Variants in ANKRD30B observed in about 807,000 individuals in gnomAD.
ANKRD30B encodes the protein ankyrin repeat domain-containing protein 30B.
A neutral mutation model predicts 202.2 loss-of-function variants in ANKRD30B; 144 were observed. The observed-to-expected ratio is 0.71, with a 90% CI of 0.62 to 0.82. The LOEUF (loss-of-function observed/expected upper bound fraction) is 0.82, where lower values mean the gene tolerates loss of function less well. Ranked by LOEUF, ANKRD30B falls within the 40% of genes least tolerant of loss-of-function variation. The probability of loss-of-function intolerance (pLI) is 0.00; values close to 1 mark genes in which losing one functional copy is unlikely to be tolerated. For synonymous variants in ANKRD30B, 508 were observed against 561.3 expected, an observed-to-expected ratio of 0.91 and a Z score of 1.34; for missense variants, 1,487 against 1,669.1, an observed-to-expected ratio of 0.89 and a Z score of 1.90.
At chr18:14,800,459 G>A (rs1286251084) in intron 22 of ANKRD30B, among the ~76,000 whole-genome samples, 1 of 150,726 alleles carries the variant, frequency 6.6e-6, no homozygotes, top group African/African-American at 2.5e-5. Context: ...CAAGTAGCTG[G>A]GAATCCAGAC....
chr18:14,879,725 G>A, the ANKRD30B span, among the ~76,000 whole-genome samples: 1 of 149,988 alleles, frequency 6.7e-6, no homozygotes, highest in African/African-American at 2.5e-5. Context: ...AGGGGTTAGG[G>A]TTAAGGGTCC....
At chr18:14,757,666 CTT>C in intron 4 of ANKRD30B, 147 bp from the exon 5 acceptor site, 1 of 868,854 alleles carries the variant, frequency 1.2e-6, no homozygotes, top group South Asian at 2.4e-5. Context: ...TTGCCCCTTC[CTT>C]TTAGATTTGG....
the ANKRD30B span, among the ~76,000 whole-genome samples, chr18:14,872,893 C>T: frequency 6.6e-6 from 1 of 152,122 alleles, no homozygotes; most frequent in South Asian, 2.1e-4. Flanking sequence ...TCATGGATAT[C>T]AGGCACCACG....
Position 14,779,957 on chromosome 18 carries a change from T to C in ANKRD30B, c.1421-3T>C. The C allele has an allele frequency of 6.6e-7, 1 of 1,507,448 alleles. No individual in the cohort carries two copies. The highest frequency in any genetic ancestry group is 2.4e-5 in the East Asian group (1 of 42,464). 93.4% of individuals were successfully genotyped at this position (1,507,448 alleles called of 1,614,324 possible). A position where few individuals can be genotyped will look rare whatever the true frequency, so the allele number is the denominator to read the frequency against. ...TGAATGTATCTGTGATTAACATTTTTAGATCAGATGTTCCCATCAGAATCC... is the reference window on the plus strand; with the variant it reads ...TGAATGTATCTGTGATTAACATTTTCAGATCAGATGTTCCCATCAGAATCC... On this transcript the variant is annotated splice_polypyrimidine_tract_variant and splice_region_variant and intron_variant, in intron 10 of 43. Coordinates refer to ENST00000690538, the MANE Select transcript of ANKRD30B (RefSeq NM_001367607.2).
At chr18:14,859,940 G>A in the ANKRD30B span, among the ~76,000 whole-genome samples, 1 of 110,212 alleles carries the variant, frequency 9.1e-6, no homozygotes, top group Non-Finnish European at 1.9e-5. Context: ...GCAGCTGGAG[G>A]GAGGCACTCC....
chr18:14,896,166 CTG>C, the ANKRD30B span, among the ~76,000 whole-genome samples: 3 of 151,040 alleles, frequency 2.0e-5, no homozygotes, highest in African/African-American at 7.3e-5. Context: ...CACTCTCACT[CTG>C]TCGCCCAGGC....
the ANKRD30B span, among the ~76,000 whole-genome samples, chr18:14,868,429 C>A: frequency 6.6e-6 from 1 of 152,210 alleles, no homozygotes; most frequent in Admixed American, 6.5e-5. Context: ...ATTTGTGTAT[C>A]TTTTTGTTTT....
chr18:14,873,681 G>A, the ANKRD30B span, among the ~76,000 whole-genome samples: 1 of 152,038 alleles, frequency 6.6e-6, no homozygotes, highest in Admixed American at 6.6e-5. Context: ...GGAGGTCATG[G>A]GGATTGAATG....
the ANKRD30B span, among the ~76,000 whole-genome samples, chr18:14,904,594 C>G: frequency 6.6e-6 from 1 of 152,124 alleles, no homozygotes; most frequent in Non-Finnish European, 1.5e-5. Context: ...TCCCTCATGT[C>G]TATATATCCA....
At chr18:14,873,718 T>C in the ANKRD30B span, among the ~76,000 whole-genome samples, 1 of 152,070 alleles carries the variant, frequency 6.6e-6, no homozygotes, top group Admixed American at 6.6e-5. Context: ...AAAATGCTGA[T>C]GGAGTTCTCA....
intron 11 of ANKRD30B, 90 bp downstream of exon 11, chr18:14,780,111 C>T (rs1275045941): frequency 5.3e-6 from 5 of 942,984 alleles, no homozygotes; most frequent in East Asian, 5.5e-5. Flanking sequence ...ACTTGGTTCT[C>T]TTACCACTGC....
At chr18:14,832,253 T>C (rs1312070259) in intron 34 of ANKRD30B, among the ~76,000 whole-genome samples, 1 of 152,174 alleles carries the variant, frequency 6.6e-6, no homozygotes, top group Non-Finnish European at 1.5e-5. Flanking sequence ...TCAGAATCTG[T>C]ATTATTAAGG....
the ANKRD30B span, among the ~76,000 whole-genome samples, chr18:14,908,364 G>A: frequency 6.6e-5 from 10 of 152,238 alleles, no homozygotes; most frequent in East Asian, 1.9e-4. Flanking sequence ...ACAGCTGTGC[G>A]GGACTCTTTC....
intron 30 of ANKRD30B, among the ~76,000 whole-genome samples, chr18:14,822,188 G>C (rs1970456290): frequency 6.6e-6 from 1 of 152,124 alleles, no homozygotes; most frequent in Non-Finnish European, 1.5e-5. Context: ...TTATATGGCA[G>C]CTTACTCTTA....
chr18:14,910,421 T>A, the ANKRD30B span, among the ~76,000 whole-genome samples: 2 of 151,622 alleles, frequency 1.3e-5, no homozygotes, highest in Admixed American at 1.3e-4. Context: ...ATTTTTCATT[T>A]TTTTATGGCT....
chr18:14,805,559 A>C (rs1568030789), intron 24 of ANKRD30B, among the ~76,000 whole-genome samples: 1 of 150,426 alleles, frequency 6.6e-6, no homozygotes, highest in South Asian at 2.1e-4. Context: ...CAAGCTGATC[A>C]ATTCATAACA....
At chr18:14,823,725 G>T (rs1225837526) in intron 32 of ANKRD30B, among the ~76,000 whole-genome samples, 4 of 152,114 alleles carry the variant, frequency 2.6e-5, no homozygotes, top group African/African-American at 7.2e-5. Context: ...TGTAATCCTA[G>T]CATTTTGGGA....
the ANKRD30B span, among the ~76,000 whole-genome samples, chr18:14,940,153 A>G: frequency 6.6e-6 from 1 of 152,256 alleles, no homozygotes; most frequent in Non-Finnish European, 1.5e-5. Flanking sequence ...CCATGGATCT[A>G]ATGTTATGAA....
chr18:14,782,708 C>A, intron 12 of ANKRD30B, 94 bp downstream of exon 12: 1 of 687,630 alleles, frequency 1.5e-6, no homozygotes, highest in Non-Finnish European at 2.3e-6. Flanking sequence ...TAAAATTACC[C>A]ACTAAATACA....
Sources: gnomAD v4.1 joint callset for allele counts (sites outside exome capture counted in the v4.1 genomes callset) on GRCh38, gnomAD v4.1.1 for gene constraint, MANE v1.5 for transcripts, NCBI Gene and HGNC (gene_info 2026-07-23, HGNC 2026-07-21) for gene names.